Variants in WWOX observed in about 807,000 individuals in gnomAD.
WWOX encodes WW domain containing oxidoreductase.
In WWOX, 69 loss-of-function variants were observed where a neutral mutation model predicts 46.2. That is an observed-to-expected ratio of 1.49 (90% CI 1.23 to 1.82). WWOX has a LOEUF of 1.82. Ranked by LOEUF, WWOX falls within the 40% of genes most tolerant of loss-of-function variation. WWOX has a pLI of 0.00. For synonymous variants in WWOX, 359 were observed against 202.6 expected (o/e 1.77, Z -6.56); for missense variants, 919 against 542.6 (o/e 1.69, Z -6.89).
chr16:78,525,804 C>CT (rs1356672353), intron 8 of WWOX: 1 of 145,950 alleles, frequency 6.9e-6, no homozygotes, highest in Non-Finnish European at 1.5e-5. Context: ...GTTGTCATGA[C>CT]TTGAGACTCA....
chr16:78,556,925 G>A lies in WWOX; in HGVS notation c.1056+124173G>A, dbSNP rs570529318. ...ATAGAGATGAGGTTTTGCCATATTG[G>A]TCAGGCTGGTCTTGAACTCTTGACC... On this transcript the variant is annotated intron_variant, in intron 8 of 8. Transcript: ENST00000566780. Among the ~76,000 whole-genome samples, 91 of 151,984 alleles carry A rather than the reference G, an allele frequency of 6.0e-4. 1 individual carries two copies. The South Asian group carries it at 0.018, about 30-fold the overall frequency.
intron 8 of WWOX, among the ~76,000 whole-genome samples, chr16:78,514,743 A>G (rs1248989280): frequency 6.6e-6 from 1 of 152,248 alleles, no homozygotes; most frequent in South Asian, 2.1e-4. Flanking sequence ...TTCTGGCTAT[A>G]TAAACACACA....
intron 8 of WWOX, among the ~76,000 whole-genome samples, chr16:79,056,237 C>T (rs1255849693): frequency 2.0e-5 from 3 of 148,522 alleles, no homozygotes; most frequent in Non-Finnish European, 4.5e-5. Flanking sequence ...AAAAAAAATT[C>T]AGCATTTCTT....
rs571971649 is a variant in WWOX at position 78,932,184 on chromosome 16, G to T, written c.1057-279424G>T. On this transcript the variant is annotated intron_variant, in intron 8 of 8. Coordinates refer to ENST00000566780, the MANE Select transcript of WWOX (RefSeq NM_016373.4). ...GTACGTCTGAGGGGCTTGACTCCCA[G>T]TCCTTCGAACATGGAGGGGTAGCTC... Among the ~76,000 whole-genome samples, 4 of 152,286 alleles carry T rather than the reference G, an allele frequency of 2.6e-5. No individual in the cohort carries two copies. The East Asian group carries it at 5.8e-4, about 22-fold the overall frequency.
At chr16:78,862,961 T>TA (rs1292244956) in intron 8 of WWOX, among the ~76,000 whole-genome samples, 3 of 144,716 alleles carry the variant, frequency 2.1e-5, no homozygotes, top group Non-Finnish European at 4.5e-5. Flanking sequence ...TATGCCAAGT[T>TA]TTTTTTTTTT....
chr16:78,703,177 C>G (rs2048260533), intron 8 of WWOX, among the ~76,000 whole-genome samples: 1 of 151,768 alleles, frequency 6.6e-6, no homozygotes, highest in Non-Finnish European at 1.5e-5. Flanking sequence ...TATGATGTTC[C>G]TTCTCTTCTC....
chr16:79,087,304 G>C (rs957200087), intron 8 of WWOX, among the ~76,000 whole-genome samples: 1 of 152,204 alleles, frequency 6.6e-6, no homozygotes, highest in Non-Finnish European at 1.5e-5. Flanking sequence ...GAAAATGCTT[G>C]GTTCTTCCTG....
chr16:78,490,076 C>A (rs2084740826), intron 8 of WWOX, among the ~76,000 whole-genome samples: 1 of 151,768 alleles, frequency 6.6e-6, no homozygotes, highest in Admixed American at 6.6e-5. Context: ...TTATTAGAGA[C>A]AATTTCTAGT....
intron 8 of WWOX, among the ~76,000 whole-genome samples, chr16:79,126,043 A>T (rs560673212): frequency 6.8e-4 from 103 of 152,316 alleles, no homozygotes; most frequent in African/African-American, 2.5e-3. Flanking sequence ...ATAAACATGT[A>T]CAAAATTATG....
chr16:79,133,668 C>T (rs1481170763), intron 8 of WWOX, among the ~76,000 whole-genome samples: 1 of 152,128 alleles, frequency 6.6e-6, no homozygotes. Context: ...TTGCCGGTGG[C>T]CTGCACTGGG....
At chr16:78,993,812 CGG>C (rs2151351701) in intron 8 of WWOX, among the ~76,000 whole-genome samples, 1 of 152,302 alleles carries the variant, frequency 6.6e-6, no homozygotes, top group Non-Finnish European at 1.5e-5. Context: ...TGGATGGCAT[CGG>C]AACCTGCAAG....
chr16:78,796,858 C>T (rs1050828258), intron 8 of WWOX, among the ~76,000 whole-genome samples: 1 of 148,368 alleles, frequency 6.7e-6, no homozygotes, highest in African/African-American at 2.5e-5. Flanking sequence ...CATAGTCTCA[C>T]TCTGTCACCT....
intron 5 of WWOX, among the ~76,000 whole-genome samples, chr16:78,308,235 CT>C (rs1470432482): frequency 1.1e-4 from 16 of 152,148 alleles, no homozygotes; most frequent in African/African-American, 3.6e-4. Context: ...GTGATTGCCC[CT>C]TGCTAGGTGA....
chr16:78,825,040 C>G (rs536323724), intron 8 of WWOX, among the ~76,000 whole-genome samples: 1 of 152,154 alleles, frequency 6.6e-6, no homozygotes, highest in South Asian at 2.1e-4. Context: ...ATCCCCTAAA[C>G]CCTACAAGGC....
chr16:78,106,119 G>C (rs1487309945), intron 1 of WWOX, among the ~76,000 whole-genome samples: 2 of 152,146 alleles, frequency 1.3e-5, no homozygotes, highest in Non-Finnish European at 2.9e-5. Flanking sequence ...GGATTCTTGA[G>C]GGCAGAGTTT....
intron 6 of WWOX, among the ~76,000 whole-genome samples, chr16:78,422,967 C>T (rs370783375): frequency 1.3e-5 from 2 of 150,124 alleles, no homozygotes; most frequent in Non-Finnish European, 3.0e-5. Flanking sequence ...CTCACTACAA[C>T]CTCTGCCTCC....
intron 5 of WWOX, among the ~76,000 whole-genome samples, chr16:78,328,698 T>C (rs923953618): frequency 1.1e-4 from 16 of 152,164 alleles, no homozygotes; most frequent in Non-Finnish European, 1.8e-4. Context: ...TGACTGGACT[T>C]TTGACAAGCA....
intron 8 of WWOX, among the ~76,000 whole-genome samples, chr16:79,085,997 A>C (rs982612443): frequency 6.6e-6 from 1 of 152,080 alleles, no homozygotes. Flanking sequence ...GCTTGCATCC[A>C]GGAGGTTGAG....
chr16:78,567,871 G>A lies in WWOX; in HGVS notation c.1056+135119G>A, dbSNP rs540808523. Among the ~76,000 whole-genome samples, 6 of 152,172 alleles carry A rather than the reference G, an allele frequency of 3.9e-5. No individual in the cohort carries two copies. In the South Asian group the frequency reaches 1.0e-3, roughly 26 times the overall value. ...ACAGAGTGTGTCAAGCCTGCAGCTC[G>A]TCCCGTGTCTAATGGAACAGAAACA... is the stretch of plus-strand genomic sequence containing the variant. On this transcript the variant is annotated intron_variant, in intron 8 of 8. Transcript: ENST00000566780.
Sources: allele counts gnomAD v4.1 joint callset (sites outside exome capture counted in the v4.1 genomes callset), GRCh38; gene constraint gnomAD v4.1.1; transcripts MANE v1.5; gene names NCBI Gene and HGNC (gene_info 2026-07-23, HGNC 2026-07-21).